SOX6: variants seen among roughly 807,000 people sequenced by gnomAD.
SOX6 encodes SRY-box transcription factor 6, also known as transcription factor SOX-6.
Under a neutral mutation model 97.8 loss-of-function variants are expected in SOX6, and 11 were observed. The ratio of observed to expected loss-of-function variants is 0.11; its 90% CI spans 0.07 to 0.19. The LOEUF (loss-of-function observed/expected upper bound fraction) is 0.19. Among genes scored for constraint, SOX6 ranks in the 10% least tolerant of loss-of-function variants. The pLI is 1.00. For missense variants in SOX6, 810 were observed against 1,039.5 expected, an observed-to-expected ratio of 0.78 and a Z score of 3.04; for synonymous variants, 360 against 371.4, an observed-to-expected ratio of 0.97 and a Z score of 0.35.
At position 16,046,507 on chromosome 11, in the gene SOX6, G is replaced by C. The variant is rs1298825875; in HGVS notation, c.1623+7C>G. On this transcript the variant is annotated splice_region_variant and intron_variant, in intron 12 of 15. Transcript: ENST00000683767. ...GCAGATCCAGTGACACAAGGAAGCA[G>C]TTTTACCTTTTCATTCCTGCAGCTG... 1.9e-6 allele frequency: 3 copies of C among 1,612,806 alleles called. No homozygotes were observed. The highest frequency in any genetic ancestry group is 2.5e-6 in the Non-Finnish European group (3 of 1,179,606).
chr11:16,579,998 C>A (rs1342627631), intron 4 of SOX6, among the ~76,000 whole-genome samples: 2 of 152,086 alleles, frequency 1.3e-5, no homozygotes, highest in African/African-American at 4.8e-5. Context: ...TATTTGTTAA[C>A]TTTATAGACC....
intron 13 of SOX6, among the ~76,000 whole-genome samples, chr11:15,997,322 T>C (rs1325060083): frequency 6.6e-6 from 1 of 152,126 alleles, no homozygotes; most frequent in East Asian, 1.9e-4. Context: ...ATAAGAATAA[T>C]ATTGCGTAAA....
chr11:16,258,266 T>C (rs901573158), intron 3 of SOX6, among the ~76,000 whole-genome samples: 3 of 152,034 alleles, frequency 2.0e-5, no homozygotes, highest in African/African-American at 2.4e-5. Flanking sequence ...GAAATGTTTA[T>C]AGCAGCTTCA....
intron 1 of SOX6, among the ~76,000 whole-genome samples, chr11:16,374,397 C>G (rs1453537207): frequency 6.6e-6 from 1 of 152,018 alleles, no homozygotes; most frequent in African/African-American, 2.4e-5. Flanking sequence ...CTTTCTAACC[C>G]TTCTGCATTC....
chr11:16,384,914 C>T (rs974862561), intron 1 of SOX6, among the ~76,000 whole-genome samples: 16 of 152,002 alleles, frequency 1.1e-4, no homozygotes, highest in African/African-American at 3.4e-4. Context: ...TGCCAGAGAG[C>T]TATACAGCAG....
At chr11:16,107,277 A>T (rs529649170) in intron 7 of SOX6, among the ~76,000 whole-genome samples, 74 of 151,636 alleles carry the variant, frequency 4.9e-4, no homozygotes, top group African/African-American at 1.7e-3. Flanking sequence ...ACTCTAACAA[A>T]CATTTCTATA....
chr11:16,136,722 C>T (rs1487306895), intron 6 of SOX6, among the ~76,000 whole-genome samples: 1 of 152,142 alleles, frequency 6.6e-6, no homozygotes, highest in Non-Finnish European at 1.5e-5. Context: ...CGGTGTAAGC[C>T]ACCAAACCCA....
Position 15,973,031 on chromosome 11 carries a change from C to T in SOX6, c.2265G>A (p.Ser755=), listed in dbSNP as rs763382219. 1.3e-5 allele frequency: 21 copies of T among 1,613,920 alleles called. No homozygotes were observed. Among genetic ancestry groups the T allele is most frequent in the South Asian group, 2.2e-5 (2 of 91,058 alleles). The change falls in exon 16 of 16, where the codon TCG becomes TCA. Residue 755 remains serine, a synonymous_variant. Coordinates refer to ENST00000683767, the MANE Select transcript of SOX6 (RefSeq NM_001367873.1). Reference sequence around the variant, plus strand: ...TAGAGCAGTCAGATGTCATCTGAGGCGATGGTGTGGTAGTTGCCATAGTGA... The same window carrying T: ...TAGAGCAGTCAGATGTCATCTGAGGTGATGGTGTGGTAGTTGCCATAGTGA... ...GAITMATTTP[S]PQMTSDCSST...
At chr11:16,276,576 G>A (rs778530791) in intron 3 of SOX6, among the ~76,000 whole-genome samples, 30 of 152,166 alleles carry the variant, frequency 2.0e-4, no homozygotes, top group Admixed American at 9.2e-4. Context: ...ATAATTCTTC[G>A]TCATGCACCA....
At chr11:16,533,889 T>G (rs886907644) in intron 4 of SOX6, among the ~76,000 whole-genome samples, 2 of 152,096 alleles carry the variant, frequency 1.3e-5, no homozygotes, top group African/African-American at 4.8e-5. Flanking sequence ...CAAAGATAAT[T>G]TTGATGATCA....
rs183332219 is a variant in SOX6 at position 16,553,040 on chromosome 11, A to G, written n.609+59041T>C. Among the ~76,000 whole-genome samples the G allele has an allele frequency of 7.9e-3, 1,211 of 152,350 alleles. 13 individuals are homozygous for G. Among genetic ancestry groups the G allele is most frequent in the African/African-American group, 0.028 (1,156 of 41,586 alleles). On this transcript the variant is annotated intron_variant and non_coding_transcript_variant, in intron 4 of 5. Coordinates refer to the SOX6 transcript ENST00000524520. ...CATTACATAATAAAAATAATTATTG[A>G]TCATTAATGTCAACTAAAGGACCGA...
At position 16,475,707 on chromosome 11, in the gene SOX6, C is replaced by A. The variant is rs375785660; in HGVS notation, c.-5+608G>T. On this transcript the variant is annotated intron_variant, in intron 1 of 15. Coordinates refer to the SOX6 transcript ENST00000396356. Reference sequence around the variant, plus strand: ...TATTGTGAGAATTATGAAAATGTAACAGAGAGACATGAAGTGAGCACATGC... The same window carrying A: ...TATTGTGAGAATTATGAAAATGTAAAAGAGAGACATGAAGTGAGCACATGC... Among the ~76,000 whole-genome samples, 29 of 152,096 alleles carry A rather than the reference C, an allele frequency of 1.9e-4. No individual in the cohort carries two copies. In the East Asian group the frequency reaches 3.1e-3, roughly 16 times the overall value.
chr11:16,498,928 G>A (rs2133140176), intron 4 of SOX6, among the ~76,000 whole-genome samples: 1 of 152,230 alleles, frequency 6.6e-6, no homozygotes, highest in Middle Eastern at 3.4e-3. Flanking sequence ...AGCACATCCA[G>A]GAATTGAACT....
At chr11:16,520,551 G>A (rs1463727230) in intron 4 of SOX6, among the ~76,000 whole-genome samples, 5 of 152,162 alleles carry the variant, frequency 3.3e-5, no homozygotes, top group African/African-American at 7.2e-5. Flanking sequence ...CATTAGCGAC[G>A]TAGAAGACGG....
At position 16,484,016 on chromosome 11, in the gene SOX6, G is replaced by A. The variant is rs550081584; in HGVS notation, n.610-7628C>T. On this transcript the variant is annotated intron_variant and non_coding_transcript_variant, in intron 4 of 5. Coordinates refer to the SOX6 transcript ENST00000524520. ...GGATCCTCCAGGAGGCAAGGTCCTC[G>A]GGCTTGGCCCAGGGCCTGTCGGGAG... 1.2e-5 allele frequency: 10 copies of A among 823,692 alleles called. No homozygotes were observed. In the East Asian group the frequency reaches 1.2e-4, roughly 10 times the overall value. The allele number at this position is 823,692 out of a possible 1,614,324, so 51.0% of individuals were successfully genotyped here. A position where few individuals can be genotyped will look rare whatever the true frequency, so the allele number is the denominator to read the frequency against.
At chr11:16,279,556 T>C (rs1300001052) in intron 3 of SOX6, among the ~76,000 whole-genome samples, 1 of 152,084 alleles carries the variant, frequency 6.6e-6, no homozygotes, top group Non-Finnish European at 1.5e-5. Flanking sequence ...ATGTTGCTTA[T>C]TAAATATTTT....
intron 4 of SOX6, among the ~76,000 whole-genome samples, chr11:16,193,441 A>G (rs1257574904): frequency 1.3e-5 from 2 of 152,166 alleles, no homozygotes; most frequent in Non-Finnish European, 2.9e-5. Context: ...TTAATAGTCA[A>G]CTAATGGCAT....
chr11:16,687,920 T>C (rs1847981517), intron 3 of SOX6, among the ~76,000 whole-genome samples: 1 of 152,154 alleles, frequency 6.6e-6, no homozygotes, highest in Admixed American at 6.5e-5. Flanking sequence ...TCTTTGTTTC[T>C]CTATAAATAA....
rs568408392 is a variant in SOX6 at position 16,371,915 on chromosome 11, T to C, written c.-4-30663A>G. Among the ~76,000 whole-genome samples the C allele has an allele frequency of 3.3e-5, 5 of 152,224 alleles. No homozygotes were observed. The South Asian group carries it at 6.2e-4, about 19-fold the overall frequency. The stretch of plus-strand genomic sequence containing the variant: ...CAGATTAGGGTTGCTCGACCTGTAA[T>C]ACATTTAAAGAACTTTAGCACAATG... On this transcript the variant is annotated intron_variant, in intron 1 of 15. Coordinates refer to the SOX6 transcript ENST00000396356.
Sources: gnomAD v4.1 joint callset for allele counts (sites outside exome capture counted in the v4.1 genomes callset) on GRCh38, gnomAD v4.1.1 for gene constraint, MANE v1.5 for transcripts, NCBI Gene and HGNC (gene_info 2026-07-23, HGNC 2026-07-21) for gene names.